Variants in ZCCHC24 observed in about 807,000 individuals in gnomAD.
ZCCHC24 encodes the protein zinc finger CCHC-type containing 24, also known as zinc finger CCHC domain-containing protein 24.
ZCCHC24 carries 10 observed loss-of-function variants against 26.2 expected under a neutral mutation model. That is an observed-to-expected ratio of 0.38 (90% confidence interval 0.24 to 0.65). The LOEUF is 0.65. Ranked by LOEUF, ZCCHC24 falls within the 30% of genes least tolerant of loss-of-function variation. ZCCHC24 has a pLI of 0.54. For missense variants in ZCCHC24, 243 were observed against 329.1 expected (o/e 0.74, Z 2.03); for synonymous variants, 144 against 147.1 (o/e 0.98, Z 0.15).
At chr10:79,417,998 C>G (rs1004883931) in intron 2 of ZCCHC24, among the ~76,000 whole-genome samples, 1 of 152,204 alleles carries the variant, frequency 6.6e-6, no homozygotes, top group African/African-American at 2.4e-5. Context: ...GCAGGAGGCA[C>G]CCAACACAGG....
chr10:79,403,651 C>G, intron 2 of ZCCHC24: 1 of 965,164 alleles, frequency 1.0e-6, no homozygotes, highest in Non-Finnish European at 1.2e-6. Flanking sequence ...CAGCCGTCCT[C>G]GCCTCCTTGC....
At chr10:79,396,634 G>A (rs1856550722) in intron 2 of ZCCHC24, among the ~76,000 whole-genome samples, 1 of 152,244 alleles carries the variant, frequency 6.6e-6, no homozygotes, top group African/African-American at 2.4e-5. Context: ...TGTTAGAAAT[G>A]TAGAGTCTGG....
intron 2 of ZCCHC24, among the ~76,000 whole-genome samples, chr10:79,402,528 G>A (rs1469160667): frequency 6.6e-6 from 1 of 152,222 alleles, no homozygotes; most frequent in Non-Finnish European, 1.5e-5. Context: ...GCCCGCCTCG[G>A]CCTCCCAAAG....
chr10:79,385,746 C>T lies in ZCCHC24; in HGVS notation c.*599G>A, dbSNP rs1856381374. 1 of 164,080 alleles carries T rather than the reference C, an allele frequency of 6.1e-6. No homozygotes were observed. Among genetic ancestry groups the T allele is most frequent in the Non-Finnish European group, 1.3e-5 (1 of 76,122 alleles). 10.2% of individuals were successfully genotyped at this position (164,080 alleles called of 1,614,324 possible). On this transcript the variant is annotated 3_prime_UTR_variant, in exon 4 of 4. Transcript: ENST00000372336. The surrounding 1 kb of genome is among the most constrained non-coding windows in gnomAD (Gnocchi z 4.3). ...CCATAGCGTGGGGAGGGGGGCACAC[C>T]CAGGTGCAATGCCAGTGATGTCAGA... is the stretch of plus-strand genomic sequence containing the variant.
Position 79,445,387 on chromosome 10 carries a change from G to A in ZCCHC24, c.54C>T (p.Ala18=), listed in dbSNP as rs372946585. The A allele has an allele frequency of 3.5e-5, 53 of 1,521,930 alleles. No homozygotes were observed. Among genetic ancestry groups the A allele is most frequent in the Non-Finnish European group, 4.5e-5 (51 of 1,135,822 alleles). 94.3% of individuals were successfully genotyped at this position (1,521,930 alleles called of 1,614,324 possible). The change falls in exon 1 of 4, where the codon GCC becomes GCT. Residue 18 remains alanine, a synonymous_variant. Transcript: ENST00000372336. The part of the protein sequence containing the change: ...DTSAASVYQP[A]QLLNWVYLSL... ...ACAGGTAGACCCAGTTGAGCAGCTG[G>A]GCGGGCTGGTACACCGAGGCGGCGC... is the stretch of plus-strand genomic sequence containing the variant.
rs1379773594 is a variant in ZCCHC24 at position 79,384,996 on chromosome 10, G to A, written c.*1349C>T. On this transcript the variant is annotated 3_prime_UTR_variant, in exon 4 of 4. Transcript: ENST00000372336. ...GGCTCCCTGGCCACGGACGTGCCACGAGGCCTCTCTGCTCCCTTGGGAGGT... is the reference window on the plus strand; with the variant it reads ...GGCTCCCTGGCCACGGACGTGCCACAAGGCCTCTCTGCTCCCTTGGGAGGT... 6.6e-6 allele frequency: 1 copy of A among 152,254 alleles called. No individual in the cohort carries two copies. Among genetic ancestry groups the A allele is most frequent in the Non-Finnish European group, 1.5e-5 (1 of 68,056 alleles). The allele number at this position is 152,254 out of a possible 1,614,324, so 9.4% of individuals were successfully genotyped here. A position where few individuals can be genotyped will look rare whatever the true frequency, so the allele number is the denominator to read the frequency against.
chr10:79,402,130 A>G (rs1229751113), intron 2 of ZCCHC24, among the ~76,000 whole-genome samples: 1 of 152,170 alleles, frequency 6.6e-6, no homozygotes, highest in African/African-American at 2.4e-5. Flanking sequence ...CCTTTACCAG[A>G]GGAGGCAGAA....
At position 79,386,259 on chromosome 10, in the gene ZCCHC24, C is replaced by G; in HGVS notation, c.*86G>C. On this transcript the variant is annotated 3_prime_UTR_variant, in exon 4 of 4. Transcript: ENST00000372336. ...CTGCGAGGGCACCCCATGCACAGGG[C>G]GACACGCAGCCCCTCGGAGTAGCAC... is the stretch of plus-strand genomic sequence containing the variant. 7.6e-7 allele frequency: 1 copy of G among 1,319,138 alleles called. No homozygotes were observed. Among genetic ancestry groups the G allele is most frequent in the Non-Finnish European group, 1.1e-6 (1 of 933,468 alleles). 81.7% of individuals were successfully genotyped at this position (1,319,138 alleles called of 1,614,324 possible). A position where few individuals can be genotyped will look rare whatever the true frequency, so the allele number is the denominator to read the frequency against.
intron 2 of ZCCHC24, among the ~76,000 whole-genome samples, chr10:79,419,170 C>A (rs1348149894): frequency 6.6e-6 from 1 of 152,202 alleles, no homozygotes; most frequent in Non-Finnish European, 1.5e-5. Flanking sequence ...CTCACACCAA[C>A]CCTCCCATCA....
chr10:79,431,984 G>A (rs897793973), intron 2 of ZCCHC24, among the ~76,000 whole-genome samples: 6 of 152,064 alleles, frequency 3.9e-5, no homozygotes, highest in Middle Eastern at 3.2e-3. Flanking sequence ...CGATCTGCCC[G>A]ACCCTCCCTT....
At chr10:79,413,829 T>G (rs1856826847) in intron 2 of ZCCHC24, among the ~76,000 whole-genome samples, 1 of 151,102 alleles carries the variant, frequency 6.6e-6, no homozygotes, top group African/African-American at 2.4e-5. Context: ...TCGGATGTGA[T>G]AGCCTCTAAT....
intron 2 of ZCCHC24, among the ~76,000 whole-genome samples, chr10:79,414,778 A>T (rs1362230737): frequency 6.6e-6 from 1 of 152,136 alleles, no homozygotes; most frequent in Non-Finnish European, 1.5e-5. Context: ...GGATCTACTG[A>T]ATTCAAATTT....
chr10:79,434,112 T>A (rs1857182273), intron 1 of ZCCHC24, among the ~76,000 whole-genome samples: 1 of 152,224 alleles, frequency 6.6e-6, no homozygotes, highest in South Asian at 2.1e-4. Flanking sequence ...AGCCCTTTCC[T>A]TCTGGGACTC....
At position 79,403,348 on chromosome 10, in the gene ZCCHC24, G is replaced by A. The variant is rs923528321; in HGVS notation, c.448-8908C>T. The A allele has an allele frequency of 1.4e-5, 14 of 979,828 alleles. No individual in the cohort carries two copies. The South Asian group carries it at 3.3e-4, about 23-fold the overall frequency. 60.7% of individuals were successfully genotyped at this position (979,828 alleles called of 1,614,324 possible). A position where few individuals can be genotyped will look rare whatever the true frequency, so the allele number is the denominator to read the frequency against. On this transcript the variant is annotated intron_variant, in intron 2 of 3. Coordinates refer to ENST00000372336, the MANE Select transcript of ZCCHC24 (RefSeq NM_153367.4). Reference sequence around the variant, plus strand: ...AGGGGCAGCAAGTCTGCCAAGTGCTGAGCCCCTGGCTTTTCCTTCCCCTCT... The same window carrying A: ...AGGGGCAGCAAGTCTGCCAAGTGCTAAGCCCCTGGCTTTTCCTTCCCCTCT...
chr10:79,383,838 C>A lies in ZCCHC24; in HGVS notation c.*2507G>T, dbSNP rs1856356514. ...TGTCAAGTATAACTCAAAATAAATA[C>A]AAATTCACAAGTAGAACTATTGAAT... On this transcript the variant is annotated 3_prime_UTR_variant, in exon 4 of 4. Transcript: ENST00000372336. 6.6e-6 allele frequency: 1 copy of A among 152,648 alleles called. No individual in the cohort carries two copies. The highest frequency in any genetic ancestry group is 2.4e-5 in the African/African-American group (1 of 41,426). The allele number at this position is 152,648 out of a possible 1,614,324, so 9.5% of individuals were successfully genotyped here.
chr10:79,389,017 T>C (rs1399778880), intron 3 of ZCCHC24, among the ~76,000 whole-genome samples: 5 of 152,218 alleles, frequency 3.3e-5, no homozygotes, highest in Admixed American at 6.5e-5. Flanking sequence ...CTACACTGTA[T>C]TGGGGCTCAG....
chr10:79,420,832 G>T (rs184801676), intron 2 of ZCCHC24, among the ~76,000 whole-genome samples: 2 of 152,246 alleles, frequency 1.3e-5, no homozygotes, highest in African/African-American at 4.8e-5. Context: ...GTTACTACTT[G>T]CAGTGCAAGC....
chr10:79,388,800 T>G (rs1420846801), intron 3 of ZCCHC24, among the ~76,000 whole-genome samples: 9 of 151,890 alleles, frequency 5.9e-5, no homozygotes, highest in African/African-American at 1.5e-4. Context: ...CACCTCCCTG[T>G]GAGTGGCACA....
chr10:79,386,341 C>T lies in ZCCHC24; in HGVS notation c.*4G>A. 6.2e-7 allele frequency: 1 copy of T among 1,611,016 alleles called. No individual in the cohort carries two copies. The highest frequency in any genetic ancestry group is 1.1e-5 in the South Asian group (1 of 90,766). ...GGTGGCTCTGGGTGCGGGCGGGCAG[C>T]CCGTCACTGCACGCGACGGCAGTAG... On this transcript the variant is annotated 3_prime_UTR_variant, in exon 4 of 4. Coordinates refer to ENST00000372336, the MANE Select transcript of ZCCHC24 (RefSeq NM_153367.4).
Sources: allele counts gnomAD v4.1 joint callset (sites outside exome capture counted in the v4.1 genomes callset), GRCh38; gene constraint gnomAD v4.1.1; non-coding constraint Gnocchi (gnomAD v3.1); transcripts MANE v1.5; gene names NCBI Gene and HGNC (gene_info 2026-07-23, HGNC 2026-07-21).